VEZT: variants seen among roughly 807,000 people sequenced by gnomAD.
VEZT encodes the protein vezatin.
VEZT carries 39 observed loss-of-function variants against 79.9 expected under a neutral mutation model. The ratio of observed to expected loss-of-function variants is 0.49; its 90% CI spans 0.38 to 0.64. The LOEUF (loss-of-function observed/expected upper bound fraction) is 0.64. VEZT is among the 30% of genes least tolerant of loss of function. The pLI is 0.00. For missense variants in VEZT, 837 were observed against 893.1 expected (o/e 0.94, Z 0.80); for synonymous variants, 325 against 327.6 (o/e 0.99, Z 0.09).
chr12:95,296,309 C>G, intron 11 of VEZT, 51 bp downstream of exon 11: 1 of 1,488,456 alleles, frequency 6.7e-7, no homozygotes. Context: ...GGGATTCTTT[C>G]TTTCTTGAAC....
At chr12:95,255,751 G>A (rs2063368530) in intron 2 of VEZT, among the ~76,000 whole-genome samples, 1 of 151,990 alleles carries the variant, frequency 6.6e-6, no homozygotes, top group Non-Finnish European at 1.5e-5. Context: ...TTTTAATCAT[G>A]CTTCTTGTCT....
intron 1 of VEZT, among the ~76,000 whole-genome samples, chr12:95,226,826 G>C (rs1198949168): frequency 6.6e-6 from 1 of 152,190 alleles, no homozygotes; most frequent in Non-Finnish European, 1.5e-5. Flanking sequence ...ATCAGAGCTA[G>C]ATTCCGTATG....
chr12:95,232,543 G>A (rs1423768078), intron 1 of VEZT, among the ~76,000 whole-genome samples: 1 of 152,074 alleles, frequency 6.6e-6, no homozygotes, highest in Non-Finnish European at 1.5e-5. Context: ...ACACAGTTTC[G>A]GGCTTTTGTG....
chr12:95,300,108 A>T, intron 11 of VEZT, 57 bp from the exon 12 acceptor site: 1 of 997,548 alleles, frequency 1.0e-6, no homozygotes. Flanking sequence ...TTAAAAGTTT[A>T]AATCATTGCT....
In VEZT at chr12:95,287,749, G is replaced by C; in HGVS notation, c.1414G>C (p.Glu472Gln). ...ELVSEAYPIL[E>Q]QKLKLIQPHV... is the part of the protein sequence containing the mutation. The stretch of plus-strand genomic sequence containing the variant: ...AGTGTCAGAGGCTTATCCCATCCTA[G>C]AACAGAAATTAAAGTTGATTCAGCC... Residue 472 changes from glutamate to glutamine, a missense_variant, in exon 9 of 12, where the codon GAA (glutamate) becomes CAA (glutamine). Glu to Gln is a conservative substitution (Grantham distance 29). Transcript: ENST00000436874. 1.9e-6 allele frequency: 3 copies of C among 1,604,586 alleles called. No individual in the cohort carries two copies. The highest frequency in any genetic ancestry group is 2.6e-6 in the Non-Finnish European group (3 of 1,175,088).
intron 5 of VEZT, among the ~76,000 whole-genome samples, chr12:95,267,435 A>G (rs1173397836): frequency 6.6e-6 from 1 of 152,158 alleles, no homozygotes; most frequent in Admixed American, 6.5e-5. Context: ...AACTTTTGCA[A>G]TCTATAGGTG....
intron 1 of VEZT, among the ~76,000 whole-genome samples, chr12:95,235,658 C>T (rs1401764545): frequency 2.2e-5 from 3 of 134,250 alleles, no homozygotes; most frequent in East Asian, 4.6e-4. Context: ...GGCGGCTGGC[C>T]GGGCGGGGGG....
At chr12:95,284,571 G>A (rs934033740) in intron 8 of VEZT, among the ~76,000 whole-genome samples, 35 of 152,148 alleles carry the variant, frequency 2.3e-4, no homozygotes, top group Non-Finnish European at 4.7e-4. Flanking sequence ...TACTATAGAA[G>A]GGTTTGTCAT....
At chr12:95,275,066 A>T (rs1442642534) in intron 7 of VEZT, among the ~76,000 whole-genome samples, 177 bp downstream of exon 7, 1 of 152,210 alleles carries the variant, frequency 6.6e-6, no homozygotes, top group Non-Finnish European at 1.5e-5. Context: ...CATAATAAAG[A>T]TTGGAAGAGG....
At chr12:95,240,073 G>GAAAGAAAGA (rs1555246828) in intron 1 of VEZT, among the ~76,000 whole-genome samples, 1 of 98,902 alleles carries the variant, frequency 1.0e-5, no homozygotes, top group East Asian at 2.6e-4. Flanking sequence ...AGGAAGGAAG[G>GAAAGAAAGA]AAGAAAAGAA....
intron 11 of VEZT, among the ~76,000 whole-genome samples, chr12:95,298,228 G>T (rs2074588257): frequency 6.6e-6 from 1 of 151,928 alleles, no homozygotes; most frequent in African/African-American, 2.4e-5. Context: ...CCTTCTCCAT[G>T]AATCCTTCTC....
intron 7 of VEZT, among the ~76,000 whole-genome samples, chr12:95,278,897 C>G (rs181475013): frequency 6.6e-6 from 1 of 152,116 alleles, no homozygotes; most frequent in African/African-American, 2.4e-5. Context: ...GGAGATACCC[C>G]GTCTCTACTA....
chr12:95,225,957 T>C (rs2058416559), intron 1 of VEZT, among the ~76,000 whole-genome samples: 1 of 151,900 alleles, frequency 6.6e-6, no homozygotes, highest in Non-Finnish European at 1.5e-5. Context: ...TAGCTGGGCA[T>C]GGTGGCATGC....
rs2065608967 is a variant in VEZT, at chr12:95,266,708, C to A, written c.710+76C>A. Reference sequence around the variant, plus strand: ...AAGGAGAATATTTATTACCTATTTTCATTTCTATGTTGCATTTATAGGAAA... The same window carrying A: ...AAGGAGAATATTTATTACCTATTTTAATTTCTATGTTGCATTTATAGGAAA... On this transcript the variant is annotated intron_variant, in intron 5 of 11. Coordinates refer to ENST00000436874, the MANE Select transcript of VEZT (RefSeq NM_017599.4). The A allele has an allele frequency of 3.6e-6, 5 of 1,387,310 alleles. No individual in the cohort carries two copies. In the Admixed American group the frequency reaches 1.0e-4, roughly 28 times the overall value. The allele number at this position is 1,387,310 out of a possible 1,614,324, so 85.9% of individuals were successfully genotyped here.
chr12:95,240,006 GAGAA>G, intron 1 of VEZT, among the ~76,000 whole-genome samples: 1 of 135,040 alleles, frequency 7.4e-6, no homozygotes, highest in Non-Finnish European at 1.6e-5. Context: ...GAGACAGAGA[GAGAA>G]AGAGAGAAAG....
At chr12:95,276,259 CTTTTTTTTTTTTT>C (rs35034660) in intron 7 of VEZT, among the ~76,000 whole-genome samples, 33 of 75,144 alleles carry the variant, frequency 4.4e-4, no homozygotes, top group African/African-American at 1.3e-3. Context: ...TAATTTTTTT[CTTTTTTTTTTTTT>C]TTTTTTTTTT....
intron 6 of VEZT, among the ~76,000 whole-genome samples, chr12:95,272,385 C>T (rs1848890226): frequency 6.6e-6 from 1 of 151,980 alleles, no homozygotes; most frequent in Non-Finnish European, 1.5e-5. Context: ...GTTAGATAGA[C>T]CAGTGAGTAG....
At chr12:95,220,933 T>C (rs1160536244) in intron 1 of VEZT, among the ~76,000 whole-genome samples, 1 of 152,232 alleles carries the variant, frequency 6.6e-6, no homozygotes, top group Non-Finnish European at 1.5e-5. Flanking sequence ...AAAGTGGTTG[T>C]ACCAGTTTAT....
At chr12:95,243,080 GA>G (rs1223661699) in intron 1 of VEZT, among the ~76,000 whole-genome samples, 1 of 151,942 alleles carries the variant, frequency 6.6e-6, no homozygotes, top group Non-Finnish European at 1.5e-5. Context: ...ATACTACAAT[GA>G]AAACTCCATG....
Sources: allele counts gnomAD v4.1 joint callset (sites outside exome capture counted in the v4.1 genomes callset), GRCh38; gene constraint gnomAD v4.1.1; transcripts MANE v1.5; gene names NCBI Gene and HGNC (gene_info 2026-07-23, HGNC 2026-07-21).